Variants in OSBP2 observed in about 807,000 individuals in gnomAD.
The protein encoded by OSBP2 is oxysterol binding protein 2, also known as oxysterol-binding protein 2.
Under a neutral mutation model 96.0 loss-of-function variants are expected in OSBP2, and 66 were observed. The ratio of observed to expected loss-of-function variants is 0.69; its 90% CI spans 0.56 to 0.84. The LOEUF (loss-of-function observed/expected upper bound fraction) is 0.84, where lower values mean the gene tolerates loss of function less well. Among genes scored for constraint, OSBP2 ranks in the 40% least tolerant of loss-of-function variants. The pLI, the probability that OSBP2 is intolerant of heterozygous loss-of-function variation, is 0.00. For synonymous variants in OSBP2, 525 were observed against 520.9 expected (o/e 1.01, Z -0.11); for missense variants, 1,038 against 1,222.7 (o/e 0.85, Z 2.25).
intron 3 of OSBP2, among the ~76,000 whole-genome samples, chr22:30,879,159 A>G (rs567970466): frequency 9.2e-5 from 14 of 152,210 alleles, no homozygotes; most frequent in Non-Finnish European, 1.6e-4. Context: ...TCCTTAGGCC[A>G]ACCCAGGCAG....
intron 2 of OSBP2, among the ~76,000 whole-genome samples, chr22:30,787,193 A>C (rs759582389): frequency 6.6e-6 from 1 of 152,196 alleles, no homozygotes; most frequent in African/African-American, 2.4e-5. Context: ...TATAAAGGAA[A>C]GGGGTTTAAT....
At chr22:30,814,760 C>T (rs532838774) in intron 2 of OSBP2, among the ~76,000 whole-genome samples, 4 of 152,250 alleles carry the variant, frequency 2.6e-5, no homozygotes, top group Non-Finnish European at 5.9e-5. Flanking sequence ...TAGAGAGTCA[C>T]ATTCTGAGAT....
chr22:30,888,570 A>G (rs181461475), intron 5 of OSBP2, among the ~76,000 whole-genome samples: 2 of 152,128 alleles, frequency 1.3e-5, no homozygotes, highest in African/African-American at 4.8e-5. Flanking sequence ...TCTACAAAAA[A>G]TACAAAAACT....
At chr22:30,902,125 CGAAAAAAAAAAAACCAA>C (rs1359113482) in intron 12 of OSBP2, 12 of 233,074 alleles carry the variant, frequency 5.1e-5, no homozygotes, top group African/African-American at 3.2e-4. Context: ...AAAAAAAAAA[CGAAAAAAAAAAAACCAA>C]AAAAAAAAAA....
At chr22:30,719,792 G>C (rs1344962462) in intron 1 of OSBP2, among the ~76,000 whole-genome samples, 1 of 150,634 alleles carries the variant, frequency 6.6e-6, no homozygotes, top group African/African-American at 2.4e-5. Flanking sequence ...CTGAGCCAGA[G>C]CCAGGATAGC....
chr22:30,720,952 C>T (rs939145850), intron 1 of OSBP2, among the ~76,000 whole-genome samples: 16 of 152,110 alleles, frequency 1.1e-4, no homozygotes, highest in African/African-American at 3.6e-4. Flanking sequence ...AGGCCTGGCA[C>T]GGTGGCTCAC....
Position 30,906,301 on chromosome 22 carries a change from G to A in OSBP2, c.2713G>A (p.Glu905Lys). Residue 905 changes from glutamate to lysine, a missense_variant, in exon 14 of 14, where the codon GAG (glutamate) becomes AAG (lysine). By Grantham distance (56) the Glu-to-Lys change is moderately conservative. This residue lies in a region of OSBP2 where 737 missense variants were observed against 913.3 expected (regional missense o/e 0.81). Coordinates refer to ENST00000332585, the MANE Select transcript of OSBP2 (RefSeq NM_030758.4). ...VYKGGYWEAK[E>K]KQDWHMCPNI... is the part of the protein sequence containing the mutation. ...CAAGGGCGGCTACTGGGAGGCCAAG[G>A]AGAAGCAAGACTGGCATATGTGCCC... 2.5e-6 allele frequency: 4 copies of A among 1,613,652 alleles called. No homozygotes were observed. The highest frequency in any genetic ancestry group is 3.4e-6 in the Non-Finnish European group (4 of 1,179,706).
At chr22:30,804,278 A>G (rs2090897013) in intron 2 of OSBP2, among the ~76,000 whole-genome samples, 1 of 152,224 alleles carries the variant, frequency 6.6e-6, no homozygotes, top group African/African-American at 2.4e-5. Flanking sequence ...GCTAGATTCC[A>G]AGCCATGTGA....
At chr22:30,901,888 A>G (rs1466368477) in intron 12 of OSBP2, among the ~76,000 whole-genome samples, 3 of 152,166 alleles carry the variant, frequency 2.0e-5, no homozygotes, top group African/African-American at 2.4e-5. Context: ...GAACAATCAC[A>G]TAGTCATAAC....
intron 1 of OSBP2, among the ~76,000 whole-genome samples, chr22:30,702,340 G>A (rs531269087): frequency 9.9e-5 from 15 of 152,214 alleles, no homozygotes; most frequent in African/African-American, 3.1e-4. Flanking sequence ...TCTGCTGGGC[G>A]TGGTGGCTCA....
intron 12 of OSBP2, among the ~76,000 whole-genome samples, chr22:30,899,379 G>T (rs554761169): frequency 6.6e-6 from 1 of 150,422 alleles, no homozygotes; most frequent in African/African-American, 2.4e-5. Context: ...ATACCAGCCT[G>T]GGTGACAAAG....
intron 3 of OSBP2, among the ~76,000 whole-genome samples, chr22:30,885,322 G>T (rs1163622913): frequency 6.6e-6 from 1 of 152,142 alleles, no homozygotes; most frequent in Non-Finnish European, 1.5e-5. Context: ...TCAAGAATGT[G>T]TCCAGAAAGG....
chr22:30,790,974 T>A (rs557858668), intron 2 of OSBP2, among the ~76,000 whole-genome samples: 28 of 152,238 alleles, frequency 1.8e-4, no homozygotes, highest in South Asian at 2.1e-4. Flanking sequence ...TTCTTTCATT[T>A]TTTATTTATT....
chr22:30,840,810 G>GTGTT (rs1441400870), intron 2 of OSBP2, among the ~76,000 whole-genome samples: 2 of 150,668 alleles, frequency 1.3e-5, no homozygotes, highest in African/African-American at 2.4e-5. Context: ...GCTAGTTTTA[G>GTGTT]TGTTTTTTTT....
chr22:30,765,184 G>A (rs902143950), intron 2 of OSBP2, among the ~76,000 whole-genome samples: 2 of 151,616 alleles, frequency 1.3e-5, no homozygotes, highest in Admixed American at 6.6e-5. Context: ...TGAGACACCC[G>A]GCCCTCCCCC....
chr22:30,825,439 A>G (rs2038378956), intron 2 of OSBP2, among the ~76,000 whole-genome samples: 1 of 152,188 alleles, frequency 6.6e-6, no homozygotes, highest in South Asian at 2.1e-4. Context: ...GGAGGTTGAA[A>G]TGAGATACTA....
intron 1 of OSBP2, among the ~76,000 whole-genome samples, chr22:30,705,940 T>C (rs927793827): frequency 2.0e-5 from 3 of 152,178 alleles, no homozygotes; most frequent in African/African-American, 4.8e-5. Flanking sequence ...TATTCAAACA[T>C]GTGGCTTTCA....
At chr22:30,735,682 T>C (rs982448888) in intron 1 of OSBP2, among the ~76,000 whole-genome samples, 7 of 152,042 alleles carry the variant, frequency 4.6e-5, no homozygotes, top group African/African-American at 1.2e-4. Context: ...ATACTTTTCA[T>C]ATTATTATGG....
At position 30,906,267 on chromosome 22, in the gene OSBP2, C is replaced by A; in HGVS notation, c.2679C>A (p.Ala893=). The change falls in exon 14 of 14, where the codon GCC becomes GCA. Residue 893 remains alanine (A), a synonymous_variant. Coordinates refer to ENST00000332585, the MANE Select transcript of OSBP2 (RefSeq NM_030758.4). ...TGGATCCGCTGACCGGGGAGATGGC[C>A]TGTGTGTACAAGGGCGGCTACTGGG... The part of the protein sequence containing the change: ...KRLDPLTGEM[A]CVYKGGYWEA... The A allele has an allele frequency of 6.2e-7, 1 of 1,614,176 alleles. No individual in the cohort carries two copies. Among genetic ancestry groups the A allele is most frequent in the Non-Finnish European group, 8.5e-7 (1 of 1,180,010 alleles).
Sources: gnomAD v4.1 joint callset for allele counts (sites outside exome capture counted in the v4.1 genomes callset) on GRCh38, gnomAD v4.1.1 for gene constraint, gnomAD v4.1.1 regional missense constraint, MANE v1.5 for transcripts, NCBI Gene and HGNC (gene_info 2026-07-23, HGNC 2026-07-21) for gene names.